Variants in ZNF514 observed in about 807,000 individuals in gnomAD.
The protein encoded by ZNF514 is zinc finger protein 514.
A neutral mutation model predicts 9.7 loss-of-function variants in ZNF514; 12 were observed. The ratio of observed to expected loss-of-function variants is 1.24; its 90% CI spans 0.79 to 2.01. The LOEUF (loss-of-function observed/expected upper bound fraction) is 2.01. ZNF514 is among the 30% of genes most tolerant of loss of function. The probability of loss-of-function intolerance (pLI) is 0.00; values close to 1 mark genes in which losing one functional copy is unlikely to be tolerated. For missense variants in ZNF514, 467 were observed against 465.5 expected (o/e 1.00, Z -0.03); for synonymous variants, 158 against 163.7 (o/e 0.97, Z 0.27).
rs543924478 is a variant in ZNF514, at chr2:95,147,707, C to T, written c.*1575G>A. Reference sequence around the variant, plus strand: ...AGGCTGGAGTGCAGTGGCGTGATCTCGGCTGACTGCAAGCTCTGCCTCCCC... The same window carrying T: ...AGGCTGGAGTGCAGTGGCGTGATCTTGGCTGACTGCAAGCTCTGCCTCCCC... On this transcript the variant is annotated 3_prime_UTR_variant, in exon 5 of 5. Coordinates refer to ENST00000295208, the MANE Select transcript of ZNF514 (RefSeq NM_032788.3). The T allele has an allele frequency of 4.0e-5, 6 of 150,190 alleles. No individual in the cohort carries two copies. Among genetic ancestry groups the T allele is most frequent in the South Asian group, 2.1e-4 (1 of 4,740 alleles). The allele number at this position is 150,190 out of a possible 1,614,324, so 9.3% of individuals were successfully genotyped here.
intron 4 of ZNF514, 44 bp from the exon 5 acceptor site, chr2:95,150,311 G>C: frequency 6.7e-7 from 1 of 1,501,290 alleles, no homozygotes; most frequent in Non-Finnish European, 8.8e-7. Context: ...CTAGTATGTA[G>C]AATGTCCTAT....
rs918482634 is a variant in ZNF514, at chr2:95,145,578, G to A, written c.*3704C>T. Among the ~76,000 whole-genome samples, 9 of 152,060 alleles carry A rather than the reference G, an allele frequency of 5.9e-5. No individual in the cohort carries two copies. The highest frequency in any genetic ancestry group is 1.2e-4 in the Non-Finnish European group (8 of 68,024). Reference sequence around the variant, plus strand: ...TCCCTTCTATTGATTCCAGGTCTTTGGATAAACCCACTGCCAATCAGAAAA... The same window carrying A: ...TCCCTTCTATTGATTCCAGGTCTTTAGATAAACCCACTGCCAATCAGAAAA... On this transcript the variant is annotated 3_prime_UTR_variant, in exon 5 of 5. Transcript: ENST00000295208.
chr2:95,125,704 T>C, the ZNF514 span, among the ~76,000 whole-genome samples: 2 of 152,254 alleles, frequency 1.3e-5, no homozygotes, highest in Non-Finnish European at 2.9e-5. Context: ...TAAGTGCAGT[T>C]ATATAGTATT....
intron 2 of ZNF514, among the ~76,000 whole-genome samples, chr2:95,156,306 C>A (rs1319583864): frequency 2.6e-5 from 4 of 152,196 alleles, no homozygotes; most frequent in Non-Finnish European, 4.4e-5. Context: ...CTGAATCCCC[C>A]CTGAGGGCCA....
rs1267245503 is a variant in ZNF514 at position 95,159,520 on chromosome 2, A to AGGGGCC, written c.-382_-377dup. On this transcript the variant is annotated 5_prime_UTR_variant, in exon 1 of 5. Transcript: ENST00000295208. ...TCGGAGGGACACACCCAGCTCTGTA[A>AGGGGCC]GGGGCCGGGGCGCGGGCCCAGTACA... 3 of 152,844 alleles carry AGGGGCC rather than the reference A, an allele frequency of 2.0e-5. No homozygotes were observed. Among genetic ancestry groups the AGGGGCC allele is most frequent in the East Asian group, 3.9e-4 (2 of 5,144 alleles). 9.5% of individuals were successfully genotyped at this position (152,844 alleles called of 1,614,324 possible).
At chr2:95,144,323 C>G (rs1358317917), downstream of ZNF514, among the ~76,000 whole-genome samples, 1 of 152,122 alleles carries the variant, frequency 6.6e-6, no homozygotes, top group Non-Finnish European at 1.5e-5. Flanking sequence ...CCAGAAATAC[C>G]AAGCATGTAA....
chr2:95,158,719 A>C (rs1374244511), intron 1 of ZNF514: 3 of 940,024 alleles, frequency 3.2e-6, no homozygotes, highest in Non-Finnish European at 4.2e-6. Flanking sequence ...GGCCATTGGG[A>C]CAATTTTCCA....
Position 95,152,679 on chromosome 2 carries a change from T to C in ZNF514, c.212A>G (p.His71Arg). The change falls in exon 4 of 5, where the codon CAC (histidine) becomes CGC (arginine). Residue 71 changes from histidine to arginine, a missense_variant. By Grantham distance (29) the His-to-Arg change is conservative. Coordinates refer to ENST00000295208, the MANE Select transcript of ZNF514 (RefSeq NM_032788.3). ...MVEREISTGA[H>R]SDWKRRSKSK... The stretch of plus-strand genomic sequence containing the variant: ...GCTTTCACTCACTCACTCACCTGAG[T>C]GGGCTCCTGTTGAGATTTCTCTCTC... 6.2e-7 allele frequency: 1 copy of C among 1,613,992 alleles called. No individual in the cohort carries two copies. Among genetic ancestry groups the C allele is most frequent in the Non-Finnish European group, 8.5e-7 (1 of 1,179,878 alleles).
rs149843086 is a variant in ZNF514 at position 95,145,786 on chromosome 2, C to T, written c.*3496G>A. ...CTGTAGCCTGACAGCACAATTGTCT[C>T]TTCCTCTCACGTACCTTTGCCATGT... is the stretch of plus-strand genomic sequence containing the variant. On this transcript the variant is annotated 3_prime_UTR_variant, in exon 5 of 5. Transcript: ENST00000295208. Among the ~76,000 whole-genome samples the T allele has an allele frequency of 5.7e-3, 874 of 152,350 alleles. 10 individuals carry two copies. Among genetic ancestry groups the T allele is most frequent in the African/African-American group, 0.02 (812 of 41,574 alleles).
In ZNF514 at chr2:95,152,732, C is replaced by A; in HGVS notation, c.159G>T (p.Leu53Phe). The A allele has an allele frequency of 6.2e-7, 1 of 1,614,166 alleles. No homozygotes were observed. Among genetic ancestry groups the A allele is most frequent in the Non-Finnish European group, 8.5e-7 (1 of 1,180,032 alleles). ...CCATGAAGGGCTCACCCCCTTCCTCCAACTGGCAGATCACATATGGTTTGG... is the reference window on the plus strand; with the variant it reads ...CCATGAAGGGCTCACCCCCTTCCTCAAACTGGCAGATCACATATGGTTTGG... ...LVSKPYVICQ[L>F]EEGGEPFMVE... Residue 53 changes from leucine (L) to phenylalanine (F), a missense_variant, in exon 4 of 5, where the codon TTG (leucine) becomes TTT (phenylalanine). Physicochemically the swap from Leu to Phe is conservative, Grantham distance 22. Transcript: ENST00000295208.
At chr2:95,156,549 G>A (rs1673692019) in intron 2 of ZNF514, among the ~76,000 whole-genome samples, 1 of 151,960 alleles carries the variant, frequency 6.6e-6, no homozygotes, top group Admixed American at 6.5e-5. Flanking sequence ...CCACACTTTG[G>A]TTACCATTCT....
At position 95,145,440 on chromosome 2, in the gene ZNF514, T is replaced by C. The variant is rs571970112; in HGVS notation, c.*3842A>G. Among the ~76,000 whole-genome samples, 11 of 152,340 alleles carry C rather than the reference T, an allele frequency of 7.2e-5. No homozygotes were observed. The highest frequency in any genetic ancestry group is 3.4e-3 in the Middle Eastern group (1 of 294). ...TATTTTATCCTAAAATAAATTTCTCTTAAGTCTGATAAGAAACATTTACAA... is the reference window on the plus strand; with the variant it reads ...TATTTTATCCTAAAATAAATTTCTCCTAAGTCTGATAAGAAACATTTACAA... On this transcript the variant is annotated 3_prime_UTR_variant, in exon 5 of 5. Transcript: ENST00000295208.
rs1310998590 is a variant in ZNF514 at position 95,157,420 on chromosome 2, A to C, written c.-76T>G. The C allele has an allele frequency of 7.8e-7, 1 of 1,289,504 alleles. No homozygotes were observed. The highest frequency in any genetic ancestry group is 1.0e-6 in the Non-Finnish European group (1 of 988,726). The allele number at this position is 1,289,504 out of a possible 1,614,324, so 79.9% of individuals were successfully genotyped here. A position where few individuals can be genotyped will look rare whatever the true frequency, so the allele number is the denominator to read the frequency against. On this transcript the variant is annotated 5_prime_UTR_variant, in exon 2 of 5. Transcript: ENST00000295208. ...CTGGGAATCTCTCTGGAGGAAGAGC[A>C]GGATTCTGAGAAGGGGAAGCTGGGA...
At chr2:95,142,718 G>A (rs1195002279), downstream of ZNF514, among the ~76,000 whole-genome samples, 8 of 152,294 alleles carry the variant, frequency 5.3e-5, no homozygotes, top group South Asian at 2.1e-4. Flanking sequence ...GAGATCACCC[G>A]TGATTCTTCA....
At position 95,149,413 on chromosome 2, in the gene ZNF514, A is replaced by G; in HGVS notation, c.1072T>C (p.Ser358Pro). 1 of 1,614,084 alleles carries G rather than the reference A, an allele frequency of 6.2e-7. No homozygotes were observed. ...KCGRAFSQSS[S>P]LTQHYRFHTG... Reference sequence around the variant, plus strand: ...TGAAATCTGTAATGTTGAGTGAGAGATGAACTCTGGCTGAAGGCTCTCCCA... The same window carrying G: ...TGAAATCTGTAATGTTGAGTGAGAGGTGAACTCTGGCTGAAGGCTCTCCCA... Residue 358 changes from serine to proline, a missense_variant, in exon 5 of 5, where the codon TCT (serine) becomes CCT (proline). Ser to Pro is a moderately conservative substitution (Grantham distance 74). Coordinates refer to ENST00000295208, the MANE Select transcript of ZNF514 (RefSeq NM_032788.3).
At chr2:95,132,911 TAC>T in the ZNF514 span, among the ~76,000 whole-genome samples, 1 of 146,638 alleles carries the variant, frequency 6.8e-6, no homozygotes, top group Non-Finnish European at 1.5e-5. Flanking sequence ...TCTACCCTAC[TAC>T]GCCTAGCAAT....
In ZNF514 at chr2:95,153,173, C is replaced by T; in HGVS notation, c.81G>A (p.Arg27=). 1 of 1,614,056 alleles carries T rather than the reference C, an allele frequency of 6.2e-7. No individual in the cohort carries two copies. Among genetic ancestry groups the T allele is most frequent in the Non-Finnish European group, 8.5e-7 (1 of 1,179,958 alleles). ...TCCTGAAGTTCTCCAGCATCACCTC[C>T]CTGTAGAGGTCCTTCTGAGCAGGGT... ...QLNPAQKDLY[R]EVMLENFRNL... The change falls in exon 3 of 5, where the codon AGG becomes AGA. Residue 27 remains arginine, a synonymous_variant. Transcript: ENST00000295208.
chr2:95,135,237 T>C, the ZNF514 span, among the ~76,000 whole-genome samples: 1 of 152,090 alleles, frequency 6.6e-6, no homozygotes, highest in Non-Finnish European at 1.5e-5. Flanking sequence ...GAGATGTTTT[T>C]TCATTTATTT....
the ZNF514 span, among the ~76,000 whole-genome samples, chr2:95,137,011 C>A: frequency 6.6e-6 from 1 of 152,096 alleles, no homozygotes; most frequent in East Asian, 1.9e-4. Flanking sequence ...TCAGATAGAA[C>A]CCTCTTCGAA....
Sources: allele counts gnomAD v4.1 joint callset (sites outside exome capture counted in the v4.1 genomes callset), GRCh38; gene constraint gnomAD v4.1.1; transcripts MANE v1.5; gene names NCBI Gene and HGNC (gene_info 2026-07-23, HGNC 2026-07-21).